The following ST3GAL3 variants were observed in gnomAD, a reference collection of about 807,000 sequenced individuals.
The protein encoded by ST3GAL3 is ST3 beta-galactoside alpha-2,3-sialyltransferase 3, also known as CMP-N-acetylneuraminate-beta-1,4-galactoside alpha-2,3-sialyltransferase.
ST3GAL3 carries 21 observed loss-of-function variants against 50.1 expected under a neutral mutation model. The ratio of observed to expected loss-of-function variants is 0.42; its 90% CI spans 0.30 to 0.60. The LOEUF (loss-of-function observed/expected upper bound fraction) is 0.60. ST3GAL3 is among the 20% of genes least tolerant of loss of function. The probability of loss-of-function intolerance (pLI) is 0.19; values close to 1 mark genes in which losing one functional copy is unlikely to be tolerated. For synonymous variants in ST3GAL3, 183 were observed against 190.0 expected, an observed-to-expected ratio of 0.96 and a Z score of 0.30; for missense variants, 353 against 489.4, an observed-to-expected ratio of 0.72 and a Z score of 2.63.
At chr1:43,843,465 G>A (rs1307760793) in intron 5 of ST3GAL3, among the ~76,000 whole-genome samples, 1 of 151,924 alleles carries the variant, frequency 6.6e-6, no homozygotes. Context: ...TTGGTGTATT[G>A]TTCTTTTTAC....
chr1:43,912,128 A>C (rs2081049916), intron 9 of ST3GAL3: 1 of 152,204 alleles, frequency 6.6e-6, no homozygotes, highest in Non-Finnish European at 1.5e-5. Flanking sequence ...AGATGAGGCT[A>C]GGTGAGCAGG....
At chr1:43,756,547 T>C (rs375499949) in intron 2 of ST3GAL3, among the ~76,000 whole-genome samples, 1 of 150,630 alleles carries the variant, frequency 6.6e-6, no homozygotes, top group African/African-American at 2.4e-5. Flanking sequence ...ATGTATTGTA[T>C]ACACACACAC....
chr1:43,901,664 G>A (rs994478585), intron 9 of ST3GAL3, among the ~76,000 whole-genome samples: 5 of 152,344 alleles, frequency 3.3e-5, no homozygotes, highest in African/African-American at 1.2e-4. Context: ...GGCCTTGGCA[G>A]CAGGCAGATT....
chr1:43,873,351 G>A (rs1456783731), intron 5 of ST3GAL3, among the ~76,000 whole-genome samples: 2 of 152,218 alleles, frequency 1.3e-5, no homozygotes, highest in Non-Finnish European at 2.9e-5. Context: ...TGTAGCCTGA[G>A]AAACTGGAAG....
intron 1 of ST3GAL3, among the ~76,000 whole-genome samples, chr1:43,730,451 C>T (rs985306399): frequency 6.6e-6 from 1 of 152,006 alleles, no homozygotes; most frequent in Admixed American, 6.6e-5. Context: ...CTACTTACAA[C>T]TTAAATTTTT....
chr1:43,765,308 G>A (rs939288772), intron 2 of ST3GAL3, among the ~76,000 whole-genome samples: 6 of 152,114 alleles, frequency 3.9e-5, no homozygotes, highest in Non-Finnish European at 7.3e-5. Context: ...AACTGTGCAG[G>A]TCTCAGTGAA....
intron 3 of ST3GAL3, among the ~76,000 whole-genome samples, chr1:43,801,889 A>G (rs1001411143): frequency 1.3e-5 from 2 of 151,994 alleles, no homozygotes; most frequent in African/African-American, 4.8e-5. Context: ...AGTCCAAACT[A>G]CTCAGGAGGC....
At chr1:43,819,652 T>C (rs536664989) in intron 4 of ST3GAL3, among the ~76,000 whole-genome samples, 1 of 151,942 alleles carries the variant, frequency 6.6e-6, no homozygotes, top group African/African-American at 2.4e-5. Context: ...AAATGGATTC[T>C]GGGGTAAATG....
intron 5 of ST3GAL3, among the ~76,000 whole-genome samples, chr1:43,885,276 A>C (rs1211452797): frequency 2.6e-5 from 4 of 152,152 alleles, no homozygotes; most frequent in African/African-American, 9.7e-5. Flanking sequence ...CACACTCAGC[A>C]TGTACTCTCC....
chr1:43,849,358 A>G (rs1379790760), intron 5 of ST3GAL3, among the ~76,000 whole-genome samples: 1 of 152,044 alleles, frequency 6.6e-6, no homozygotes, highest in Non-Finnish European at 1.5e-5. Flanking sequence ...GACTTGATAA[A>G]GCTCTTTTTG....
Position 43,837,561 on chromosome 1 carries a change from C to G in ST3GAL3, c.210-658C>G, listed in dbSNP as rs117405091. Among the ~76,000 whole-genome samples the G allele has an allele frequency of 3.8e-4, 58 of 152,328 alleles. No individual in the cohort carries two copies. In the East Asian group the frequency reaches 5.6e-3, roughly 15 times the overall value. ...ACAAGGAAGGTGGAAAGGCCAGGGG[C>G]TCTGAGTATCAAAGCCTGAGTAGCT... On this transcript the variant is annotated intron_variant, in intron 4 of 11. Coordinates refer to ENST00000347631, the MANE Select transcript of ST3GAL3 (RefSeq NM_006279.5).
At chr1:43,881,098 C>T (rs753898637) in intron 5 of ST3GAL3, among the ~76,000 whole-genome samples, 7 of 152,170 alleles carry the variant, frequency 4.6e-5, no homozygotes, top group African/African-American at 7.2e-5. Context: ...GCAACCTCCT[C>T]CTCCCGGGTT....
intron 3 of ST3GAL3, among the ~76,000 whole-genome samples, chr1:43,813,903 GCA>G (rs57672840): frequency 0.12 from 15,627 of 125,382 alleles, 863 homozygotes; most frequent in South Asian, 0.22. Context: ...ACGCACACAC[GCA>G]CACACACACA....
At chr1:43,852,952 C>T (rs1360031599) in intron 5 of ST3GAL3, among the ~76,000 whole-genome samples, 1 of 151,948 alleles carries the variant, frequency 6.6e-6, no homozygotes, top group African/African-American at 2.4e-5. Context: ...AAGTTTTTTT[C>T]AGGAAGAAAA....
At chr1:43,789,592 C>T (rs1276823507) in intron 2 of ST3GAL3, among the ~76,000 whole-genome samples, 2 of 152,038 alleles carry the variant, frequency 1.3e-5, no homozygotes, top group East Asian at 3.9e-4. Context: ...TAGAATTGGC[C>T]AGGCATGATG....
intron 4 of ST3GAL3, among the ~76,000 whole-genome samples, chr1:43,826,721 A>G (rs991910377): frequency 2.0e-5 from 3 of 152,242 alleles, no homozygotes; most frequent in African/African-American, 7.2e-5. Context: ...TGAGTTCAGC[A>G]ATGTATAAAA....
At chr1:43,753,931 C>G (rs1185261484) in intron 2 of ST3GAL3, among the ~76,000 whole-genome samples, 1 of 152,190 alleles carries the variant, frequency 6.6e-6, no homozygotes, top group Admixed American at 6.5e-5. Flanking sequence ...TTGGTCTACT[C>G]TCAGGTAACT....
chr1:43,828,134 A>G (rs2063065906), intron 4 of ST3GAL3, among the ~76,000 whole-genome samples: 1 of 152,238 alleles, frequency 6.6e-6, no homozygotes, highest in Admixed American at 6.5e-5. Context: ...TGACAAAGGA[A>G]CAAAGGCAAT....
At chr1:43,824,387 G>GGT (rs960725186) in intron 4 of ST3GAL3, among the ~76,000 whole-genome samples, 5 of 151,728 alleles carry the variant, frequency 3.3e-5, no homozygotes, top group African/African-American at 9.7e-5. Context: ...AGAGGAAAGG[G>GGT]GTGTGTGTGT....
Sources: gnomAD v4.1 joint callset for allele counts (sites outside exome capture counted in the v4.1 genomes callset) on GRCh38, gnomAD v4.1.1 for gene constraint, MANE v1.5 for transcripts, NCBI Gene and HGNC (gene_info 2026-07-23, HGNC 2026-07-21) for gene names.